CAMTA1: variants seen among roughly 807,000 people sequenced by gnomAD.
The protein encoded by CAMTA1 is calmodulin-binding transcription activator 1.
CAMTA1 carries 27 observed loss-of-function variants against 170.9 expected under a neutral mutation model. The ratio of observed to expected loss-of-function variants is 0.16; its 90% CI spans 0.12 to 0.22. The LOEUF (loss-of-function observed/expected upper bound fraction) is 0.22. Ranked by LOEUF, CAMTA1 falls within the 10% of genes least tolerant of loss-of-function variation. The pLI is 1.00. For missense variants in CAMTA1, 1,619 were observed against 2,217.2 expected, an observed-to-expected ratio of 0.73 and a Z score of 5.42; for synonymous variants, 833 against 891.5, an observed-to-expected ratio of 0.93 and a Z score of 1.17.
intron 5 of CAMTA1, among the ~76,000 whole-genome samples, chr1:7,446,533 C>T (rs1314260621): frequency 1.3e-5 from 2 of 152,096 alleles, no homozygotes; most frequent in African/African-American, 4.8e-5. Flanking sequence ...CAGGAGGGCC[C>T]GGGTGGCCAC....
chr1:7,488,320 G>A (rs1386318479), intron 6 of CAMTA1, among the ~76,000 whole-genome samples: 1 of 152,128 alleles, frequency 6.6e-6, no homozygotes, highest in Non-Finnish European at 1.5e-5. Flanking sequence ...GAGGCCTGGA[G>A]TGGCCAGGGA....
intron 7 of CAMTA1, among the ~76,000 whole-genome samples, chr1:7,660,072 ATT>A (rs1241474338): frequency 6.6e-6 from 1 of 152,082 alleles, no homozygotes; most frequent in Non-Finnish European, 1.5e-5. Context: ...TCTACAAATA[ATT>A]TTGTTTTGTT....
intron 4 of CAMTA1, among the ~76,000 whole-genome samples, chr1:7,158,027 T>C (rs1367752001): frequency 3.9e-5 from 6 of 152,118 alleles, no homozygotes; most frequent in South Asian, 2.1e-4. Flanking sequence ...GGCGTGGTGG[T>C]GGGCGCCTGT....
intron 3 of CAMTA1, among the ~76,000 whole-genome samples, chr1:6,852,299 A>G (rs1049739213): frequency 2.6e-5 from 4 of 152,210 alleles, no homozygotes; most frequent in Non-Finnish European, 4.4e-5. Flanking sequence ...AAAACTTCTC[A>G]TACCAAATGT....
intron 3 of CAMTA1, among the ~76,000 whole-genome samples, chr1:6,880,830 T>C (rs968959599): frequency 3.3e-5 from 5 of 152,198 alleles, no homozygotes; most frequent in African/African-American, 1.2e-4. Context: ...TACCGAGTAC[T>C]AGGCACTGTC....
At chr1:7,540,597 T>G (rs528812199) in intron 6 of CAMTA1, among the ~76,000 whole-genome samples, 121 of 152,258 alleles carry the variant, frequency 7.9e-4, no homozygotes, top group Non-Finnish European at 1.5e-3. Flanking sequence ...CACATTCCTC[T>G]TTGCACGACA....
At position 7,443,251 on chromosome 1, in the gene CAMTA1, T is replaced by A. The variant is rs1557723420; in HGVS notation, c.439-24579T>A. On this transcript the variant is annotated intron_variant, in intron 5 of 22. Transcript: ENST00000303635. This position sits in a 1 kb window ranked among gnomAD's most constrained non-coding sequence, Gnocchi z 4.1. The stretch of plus-strand genomic sequence containing the variant: ...TCTGCATGAAGTCCATTTCCCCACT[T>A]TCGTGGGGTACAGTCCCCTTGAGGC... Among the ~76,000 whole-genome samples the A allele has an allele frequency of 6.6e-6, 1 of 152,230 alleles. No homozygotes were observed. Among genetic ancestry groups the A allele is most frequent in the East Asian group, 1.9e-4 (1 of 5,196 alleles).
intron 5 of CAMTA1, among the ~76,000 whole-genome samples, chr1:7,270,268 CACACACAT>C (rs1197120825): frequency 6.0e-4 from 24 of 39,714 alleles, no homozygotes; most frequent in African/African-American, 1.9e-3. Flanking sequence ...CACACACACA[CACACACAT>C]ATATATATAT....
At chr1:7,591,139 G>C (rs59300975) in intron 6 of CAMTA1, among the ~76,000 whole-genome samples, 23,100 of 152,118 alleles carry the variant, frequency 0.15, 1,978 homozygotes, top group African/African-American at 0.22. Context: ...GTTCCCGGGC[G>C]CTGCAGCAAA....
At chr1:7,289,207 C>T (rs1461391074) in intron 5 of CAMTA1, among the ~76,000 whole-genome samples, 1 of 152,186 alleles carries the variant, frequency 6.6e-6, no homozygotes, top group African/African-American at 2.4e-5. Context: ...CCACCTCCAA[C>T]ACTGGGGATT....
At chr1:7,079,515 C>T (rs1193553065) in intron 3 of CAMTA1, among the ~76,000 whole-genome samples, 1 of 152,062 alleles carries the variant, frequency 6.6e-6, no homozygotes, top group Non-Finnish European at 1.5e-5. Context: ...CTCTGTCATC[C>T]AGGCTGGAGT....
chr1:6,829,112 A>G (rs1400804669), intron 3 of CAMTA1, among the ~76,000 whole-genome samples: 2 of 152,100 alleles, frequency 1.3e-5, no homozygotes, highest in African/African-American at 4.8e-5. Flanking sequence ...CCTGTTGGCC[A>G]GGCTGGTCTC....
chr1:7,197,820 T>C (rs1167388750), intron 4 of CAMTA1, among the ~76,000 whole-genome samples: 3 of 151,800 alleles, frequency 2.0e-5, no homozygotes, highest in Non-Finnish European at 4.4e-5. Flanking sequence ...GGTTGCAGAG[T>C]GGTCTTCAAA....
At chr1:7,138,537 C>G (rs1222365492) in intron 4 of CAMTA1, among the ~76,000 whole-genome samples, 2 of 152,154 alleles carry the variant, frequency 1.3e-5, no homozygotes, top group African/African-American at 4.8e-5. Flanking sequence ...GAAAGATTGT[C>G]TTTTCCATGT....
At chr1:7,043,934 G>A (rs1413968638) in intron 3 of CAMTA1, among the ~76,000 whole-genome samples, 1 of 152,212 alleles carries the variant, frequency 6.6e-6, no homozygotes, top group Non-Finnish European at 1.5e-5. Context: ...CAGGCAGCCA[G>A]GGGAGAGGGT....
At chr1:7,457,825 T>C (rs1337595903) in intron 5 of CAMTA1, among the ~76,000 whole-genome samples, 1 of 152,140 alleles carries the variant, frequency 6.6e-6, no homozygotes, top group African/African-American at 2.4e-5. Context: ...TGAGCAGAGC[T>C]CTGGGGTCTC....
rs117926827 is a variant in CAMTA1, at chr1:7,429,471, G to A, written c.439-38359G>A. On this transcript the variant is annotated intron_variant, in intron 5 of 22. Transcript: ENST00000303635. The stretch of plus-strand genomic sequence containing the variant: ...TGGTGGTGATGGTGATGATGACAGT[G>A]ATAATACGGGTGATGATGATGGTGA... 3.2e-4 allele frequency among the ~76,000 whole-genome samples: 48 copies of A among 152,128 alleles called. No individual in the cohort carries two copies. In the East Asian group the frequency reaches 9.1e-3, roughly 29 times the overall value.
chr1:7,223,613 AGGCCCTG>A (rs1324929374), intron 4 of CAMTA1, among the ~76,000 whole-genome samples: 1 of 152,154 alleles, frequency 6.6e-6, no homozygotes, highest in African/African-American at 2.4e-5. Flanking sequence ...CATTTATATG[AGGCCCTG>A]GGTTTGCAAA....
At chr1:7,089,243 G>C (rs1367700763) in intron 3 of CAMTA1, among the ~76,000 whole-genome samples, 2 of 152,148 alleles carry the variant, frequency 1.3e-5, no homozygotes, top group Non-Finnish European at 2.9e-5. Flanking sequence ...TAGGAAACTG[G>C]TCTAGACAGA....
Sources: allele counts gnomAD v4.1 joint callset (sites outside exome capture counted in the v4.1 genomes callset), GRCh38; gene constraint gnomAD v4.1.1; non-coding constraint Gnocchi (gnomAD v3.1); transcripts MANE v1.5; gene names NCBI Gene and HGNC (gene_info 2026-07-23, HGNC 2026-07-21).